NRP1: variants seen among roughly 807,000 people sequenced by gnomAD.
NRP1 encodes neuropilin-1.
NRP1 carries 35 observed loss-of-function variants against 106.7 expected under a neutral mutation model. The ratio of observed to expected loss-of-function variants is 0.33; its 90% CI spans 0.25 to 0.43. The LOEUF (loss-of-function observed/expected upper bound fraction) is 0.43, where lower values mean the gene tolerates loss of function less well. Ranked by LOEUF, NRP1 falls within the 20% of genes least tolerant of loss-of-function variation. NRP1 has a pLI of 1.00. For synonymous variants in NRP1, 437 were observed against 417.9 expected, an observed-to-expected ratio of 1.05 and a Z score of -0.56; for missense variants, 1,024 against 1,170.4, an observed-to-expected ratio of 0.87 and a Z score of 1.83.
intron 2 of NRP1, among the ~76,000 whole-genome samples, chr10:33,285,424 A>C (rs997211426): frequency 1.3e-5 from 2 of 152,224 alleles, no homozygotes; most frequent in Non-Finnish European, 2.9e-5. Context: ...CAATATTCTG[A>C]TGAAAGACAA....
chr10:33,199,257 C>T (rs982421875), intron 11 of NRP1, among the ~76,000 whole-genome samples: 70 of 150,158 alleles, frequency 4.7e-4, no homozygotes, highest in Non-Finnish European at 4.0e-4. Flanking sequence ...AGTGCAGTGG[C>T]GCCATCATGG....
At chr10:33,279,102 G>A (rs1028394862) in intron 2 of NRP1, among the ~76,000 whole-genome samples, 3 of 152,180 alleles carry the variant, frequency 2.0e-5, no homozygotes, top group Non-Finnish European at 2.9e-5. Flanking sequence ...AGTCAAGGCC[G>A]ACTTGGAAGG....
intron 9 of NRP1, chr10:33,213,009 T>C (rs1384850843): frequency 9.2e-6 from 5 of 545,790 alleles, no homozygotes; most frequent in Non-Finnish European, 1.6e-5. Flanking sequence ...GCACTTAAAC[T>C]AGGGGTAGGT....
At chr10:33,205,489 T>C (rs941321437) in intron 10 of NRP1, 1 of 152,168 alleles carries the variant, frequency 6.6e-6, no homozygotes, top group African/African-American at 2.4e-5. Flanking sequence ...GACAACTGTA[T>C]GGGAGATGGG....
At chr10:33,191,977 CAAAAAAAAAAAAAAA>C (rs58214479) in intron 13 of NRP1, among the ~76,000 whole-genome samples, 1 of 71,744 alleles carries the variant, frequency 1.4e-5, no homozygotes, top group East Asian at 3.7e-4. Flanking sequence ...GACTCCATTT[CAAAAAAAAAAAAAAA>C]AAAAAAAAGG....
chr10:33,317,631 G>GTATGC (rs1564483927), intron 2 of NRP1, among the ~76,000 whole-genome samples: 1 of 152,194 alleles, frequency 6.6e-6, no homozygotes, highest in African/African-American at 2.4e-5. Context: ...TGCTATTTAT[G>GTATGC]TATGGGTTGG....
At chr10:33,194,057 T>G (rs1368058911) in intron 12 of NRP1, among the ~76,000 whole-genome samples, 4 of 152,162 alleles carry the variant, frequency 2.6e-5, no homozygotes, top group African/African-American at 7.2e-5. Context: ...GAGAGATATA[T>G]TTCATGTCTA....
Position 33,203,006 on chromosome 10 carries a change from A to T in NRP1, c.1760-11T>A. ...GTCCAGCTGTAGGGGCTGAAACAAG[A>T]TCCAAGGATTATTATCTCACACCTT... On this transcript the variant is annotated splice_polypyrimidine_tract_variant and intron_variant, in intron 10 of 16. Coordinates refer to ENST00000374867, the MANE Select transcript of NRP1 (RefSeq NM_003873.7). 2 of 1,605,656 alleles carry T rather than the reference A, an allele frequency of 1.2e-6. No individual in the cohort carries two copies. The highest frequency in any genetic ancestry group is 2.7e-5 in the African/African-American group (2 of 74,914).
intron 6 of NRP1, among the ~76,000 whole-genome samples, chr10:33,249,704 G>C (rs776784460): frequency 3.3e-5 from 5 of 152,208 alleles, no homozygotes; most frequent in Non-Finnish European, 7.3e-5. Flanking sequence ...TGACAATGAG[G>C]AAATTTTAGT....
At chr10:33,299,668 C>T (rs1285494756) in intron 2 of NRP1, among the ~76,000 whole-genome samples, 1 of 152,100 alleles carries the variant, frequency 6.6e-6, no homozygotes, top group African/African-American at 2.4e-5. Flanking sequence ...CACTTGTGGT[C>T]CCAGCTACTG....
chr10:33,263,853 A>G lies in NRP1; in HGVS notation c.451T>C (p.Tyr151His), dbSNP rs1401227091. Reference sequence around the variant, plus strand: ...TTTATCACTCCACTAGGTGTTGTGTAGTTCTGGGAACATTCAGGACCTATG... The same window carrying G: ...TTTATCACTCCACTAGGTGTTGTGTGGTTCTGGGAACATTCAGGACCTATG... ...FKRGPECSQN[Y>H]TTPSGVIKSP... The change falls in exon 4 of 17, where the codon TAC (tyrosine) becomes CAC (histidine). Residue 151 changes from tyrosine (Y) to histidine (H), a missense_variant. By Grantham distance (83) the Tyr-to-His change is moderately conservative (BLOSUM62 2). Transcript: ENST00000374867. 9 of 1,612,246 alleles carry G rather than the reference A, an allele frequency of 5.6e-6. No individual in the cohort carries two copies. The highest frequency in any genetic ancestry group is 2.7e-5 in the African/African-American group (2 of 74,904).
chr10:33,180,408 G>C (rs779098794), intron 16 of NRP1, 43 bp from the exon 17 acceptor site: 3 of 1,520,784 alleles, frequency 2.0e-6, no homozygotes, highest in Non-Finnish European at 2.7e-6. Context: ...ACCGCCAACA[G>C]ACCAGATGAA....
chr10:33,212,968 G>A (rs1838428316), intron 9 of NRP1: 4 of 461,128 alleles, frequency 8.7e-6, no homozygotes, highest in Non-Finnish European at 1.5e-5. Context: ...ACTGAGCCTG[G>A]CCCACAATAA....
At chr10:33,319,340 ATGCACCAATCAG>A (rs1391934929) in intron 2 of NRP1, among the ~76,000 whole-genome samples, 3 of 151,884 alleles carry the variant, frequency 2.0e-5, no homozygotes, top group Non-Finnish European at 2.9e-5. Context: ...GGTTTGTAAA[ATGCACCAATCAG>A]TGCTCTGTAA....
chr10:33,182,371 T>C (rs1835739052), intron 16 of NRP1, among the ~76,000 whole-genome samples: 1 of 152,210 alleles, frequency 6.6e-6, no homozygotes, highest in African/African-American at 2.4e-5. Context: ...TTTGTAGTGA[T>C]AAACTGAGTG....
intron 16 of NRP1, 28 bp downstream of exon 16, chr10:33,182,670 T>A (rs762747184): frequency 4.0e-5 from 62 of 1,563,002 alleles, no homozygotes; most frequent in South Asian, 1.6e-4. Flanking sequence ...TAAAATTTTT[T>A]AAAAATTGGT....
intron 2 of NRP1, among the ~76,000 whole-genome samples, chr10:33,286,287 A>G (rs1844532259): frequency 6.6e-6 from 1 of 152,186 alleles, no homozygotes; most frequent in East Asian, 1.9e-4. Flanking sequence ...TATGCATGTA[A>G]GTATTTCACA....
intron 2 of NRP1, among the ~76,000 whole-genome samples, chr10:33,306,263 T>C (rs1461212946): frequency 1.3e-5 from 2 of 152,054 alleles, no homozygotes; most frequent in Non-Finnish European, 1.5e-5. Context: ...CTGGCTTAAA[T>C]AAAAGAGGCA....
chr10:33,273,249 T>C (rs1046817571), intron 2 of NRP1, among the ~76,000 whole-genome samples: 2 of 152,220 alleles, frequency 1.3e-5, no homozygotes, highest in Non-Finnish European at 2.9e-5. Flanking sequence ...CCCTTCAAAG[T>C]ACTATCCAAC....
Sources: allele counts gnomAD v4.1 joint callset (sites outside exome capture counted in the v4.1 genomes callset), GRCh38; gene constraint gnomAD v4.1.1; transcripts MANE v1.5; gene names NCBI Gene and HGNC (gene_info 2026-07-23, HGNC 2026-07-21).